Variants in ARF4 observed in about 807,000 individuals in gnomAD.
ARF4 encodes the protein ADP-ribosylation factor 4.
A neutral mutation model predicts 24.3 loss-of-function variants in ARF4; 5 were observed. That is an observed-to-expected ratio of 0.21 (90% CI 0.11 to 0.43). ARF4 has a LOEUF of 0.43. Among genes scored for constraint, ARF4 ranks in the 20% least tolerant of loss-of-function variants. The probability of loss-of-function intolerance (pLI) is 1.00; values close to 1 mark genes in which losing one functional copy is unlikely to be tolerated. For missense variants in ARF4, 107 were observed against 213.0 expected, an observed-to-expected ratio of 0.50 and a Z score of 3.10; for synonymous variants, 62 against 73.5, an observed-to-expected ratio of 0.84 and a Z score of 0.80.
chr3:57,577,210 C>A (rs2069916881), intron 4 of ARF4, 106 bp downstream of exon 4: 2 of 889,698 alleles, frequency 2.2e-6, no homozygotes, highest in East Asian at 2.4e-5. Flanking sequence ...CTAGCCCCCC[C>A]AATCCATTTG....
intron 1 of ARF4, among the ~76,000 whole-genome samples, chr3:57,589,008 A>T (rs1044452632): frequency 2.0e-5 from 3 of 152,110 alleles, no homozygotes; most frequent in African/African-American, 7.2e-5. Flanking sequence ...AGGCTGAGGC[A>T]GGAGAATTGC....
Position 57,571,407 on chromosome 3 carries a change from T to A in ARF4, c.*805A>T, listed in dbSNP as rs6907. The A allele has an allele frequency of 0.25, 38,109 of 152,292 alleles. 6,814 individuals carry two copies. The highest frequency in any genetic ancestry group is 0.5 in the African/African-American group (20,692 of 41,264). 9.4% of individuals were successfully genotyped at this position (152,292 alleles called of 1,614,324 possible). A position where few individuals can be genotyped will look rare whatever the true frequency, so the allele number is the denominator to read the frequency against. On this transcript the variant is annotated 3_prime_UTR_variant, in exon 6 of 6. Transcript: ENST00000303436. ...ATTAGGAATAATTCCAAATGGGTTATGAAGAAAATGTATTCATCGAATTTG... is the reference window on the plus strand; with the variant it reads ...ATTAGGAATAATTCCAAATGGGTTAAGAAGAAAATGTATTCATCGAATTTG...
At chr3:57,596,830 AG>A (rs2070194245) in intron 1 of ARF4, 2 of 507,184 alleles carry the variant, frequency 3.9e-6, no homozygotes, top group Non-Finnish European at 7.1e-6. Flanking sequence ...AAGGAGAAAA[AG>A]CCGAGTCCAG....
intron 3 of ARF4, among the ~76,000 whole-genome samples, chr3:57,580,642 T>G (rs1196689476): frequency 6.6e-6 from 1 of 151,996 alleles, no homozygotes; most frequent in East Asian, 1.9e-4. Context: ...GATCCTCGTA[T>G]CATGGCCTCC....
intron 2 of ARF4, 117 bp downstream of exon 2, chr3:57,584,267 T>G (rs985166899): frequency 7.2e-5 from 77 of 1,065,606 alleles, no homozygotes; most frequent in Non-Finnish European, 9.9e-5. Flanking sequence ...CCGGCCTGTT[T>G]TAAAAGTACT....
intron 3 of ARF4, among the ~76,000 whole-genome samples, chr3:57,583,099 G>A (rs986615969): frequency 9.2e-5 from 14 of 152,176 alleles, no homozygotes; most frequent in Non-Finnish European, 1.5e-4. Context: ...GAATAACCCA[G>A]CCCAAAATGT....
chr3:57,594,410 G>A (rs1009897257), intron 1 of ARF4, among the ~76,000 whole-genome samples: 3 of 152,118 alleles, frequency 2.0e-5, no homozygotes, highest in East Asian at 1.9e-4. Context: ...TTCCTAACTC[G>A]AGCAGTATGG....
intron 4 of ARF4, among the ~76,000 whole-genome samples, chr3:57,575,884 G>C (rs2069897051): frequency 6.6e-6 from 1 of 152,118 alleles, no homozygotes; most frequent in Non-Finnish European, 1.5e-5. Context: ...AGACAGAACT[G>C]TTTTCCAAGT....
At chr3:57,577,206 C>T (rs1362007354) in intron 4 of ARF4, 110 bp downstream of exon 4, 3 of 853,720 alleles carry the variant, frequency 3.5e-6, no homozygotes, top group Non-Finnish European at 5.7e-6. Flanking sequence ...ATTTCTAGCC[C>T]CCCCAATCCA....
intron 1 of ARF4, among the ~76,000 whole-genome samples, chr3:57,588,429 T>A (rs1309958158): frequency 3.3e-5 from 5 of 152,108 alleles, no homozygotes; most frequent in Non-Finnish European, 7.4e-5. Flanking sequence ...GCTGGGAAGC[T>A]GTGCATGGTG....
At chr3:57,587,374 T>C (rs1325322501) in intron 1 of ARF4, among the ~76,000 whole-genome samples, 1 of 143,718 alleles carries the variant, frequency 7.0e-6, no homozygotes, top group Non-Finnish European at 1.5e-5. Context: ...AAGAAAAGAA[T>C]TGAAGAAATC....
chr3:57,578,206 C>T (rs1165430837), intron 3 of ARF4, among the ~76,000 whole-genome samples: 1 of 151,948 alleles, frequency 6.6e-6, no homozygotes, highest in Non-Finnish European at 1.5e-5. Context: ...TAACTTGCTT[C>T]AGAATGCTGC....
In ARF4 at chr3:57,593,147, T is replaced by C. The variant is rs148719929; in HGVS notation, c.67+3927A>G. Among the ~76,000 whole-genome samples the C allele has an allele frequency of 1.4e-3, 220 of 152,186 alleles. 1 individual carries two copies. The highest frequency in any genetic ancestry group is 3.3e-3 in the Admixed American group (50 of 15,274). On this transcript the variant is annotated intron_variant, in intron 1 of 5. Transcript: ENST00000303436. ...TGAATCCAGGAGTTCAAGGCTACAG[T>C]GAGCTATGATCATGCCACCTGTATG...
Position 57,577,400 on chromosome 3 carries a change from T to A in ARF4, c.259-13A>T. ...CAAAAATAAGACCCTGGGGAAAAAT[T>A]GTTTCAGTAAATTTTAACAGTTAAA... is the stretch of plus-strand genomic sequence containing the variant. On this transcript the variant is annotated splice_polypyrimidine_tract_variant and intron_variant, in intron 3 of 5. Coordinates refer to ENST00000303436, the MANE Select transcript of ARF4 (RefSeq NM_001660.4). 6.2e-7 allele frequency: 1 copy of A among 1,611,176 alleles called. No homozygotes were observed. The highest frequency in any genetic ancestry group is 8.5e-7 in the Non-Finnish European group (1 of 1,177,612).
rs1169990452 is a variant in ARF4, at chr3:57,577,409, A to G, written c.259-22T>C. 2.5e-6 allele frequency: 4 copies of G among 1,595,448 alleles called. No individual in the cohort carries two copies. In the South Asian group the frequency reaches 3.3e-5, roughly 13 times the overall value. ...GACCCTGGGGAAAAATTGTTTCAGTAAATTTTAACAGTTAAACGACACTCT... is the reference window on the plus strand; with the variant it reads ...GACCCTGGGGAAAAATTGTTTCAGTGAATTTTAACAGTTAAACGACACTCT... On this transcript the variant is annotated intron_variant, in intron 3 of 5. Transcript: ENST00000303436.
chr3:57,579,587 C>A (rs973306596), intron 3 of ARF4, among the ~76,000 whole-genome samples: 2 of 152,100 alleles, frequency 1.3e-5, no homozygotes, highest in Admixed American at 1.3e-4. Context: ...CGCGCCCAGC[C>A]CCATCCTACA....
At chr3:57,595,488 T>C (rs570813870) in intron 1 of ARF4, among the ~76,000 whole-genome samples, 1 of 152,250 alleles carries the variant, frequency 6.6e-6, no homozygotes, top group East Asian at 1.9e-4. Flanking sequence ...TAAGAAACTT[T>C]GAAAGAAAAA....
chr3:57,578,070 C>T (rs2069928205), intron 3 of ARF4, among the ~76,000 whole-genome samples: 1 of 151,690 alleles, frequency 6.6e-6, no homozygotes, highest in South Asian at 2.1e-4. Flanking sequence ...ACAAAAAAAC[C>T]CCATGAATTT....
At chr3:57,582,705 G>C (rs1185905934) in intron 3 of ARF4, among the ~76,000 whole-genome samples, 4 of 147,312 alleles carry the variant, frequency 2.7e-5, no homozygotes, top group African/African-American at 2.4e-5. Context: ...AGATGACATT[G>C]CAAGTCTTAA....
Sources: allele counts gnomAD v4.1 joint callset (sites outside exome capture counted in the v4.1 genomes callset), GRCh38; gene constraint gnomAD v4.1.1; transcripts MANE v1.5; gene names NCBI Gene and HGNC (gene_info 2026-07-23, HGNC 2026-07-21).